Variants in TRPC5OS observed in about 807,000 individuals in gnomAD.
The protein encoded by TRPC5OS is putative uncharacterized protein TRPC5OS.
For missense variants in TRPC5OS, 64 were observed against 79.3 expected (o/e 0.81, Z 0.73); for synonymous variants, 30 against 29.3 (o/e 1.02, Z -0.08).
intron 3 of TRPC5OS, among the ~76,000 whole-genome samples, chrX:111,899,398 A>AT (rs966478648): frequency 9.0e-6 from 1 of 111,641 alleles, no homozygotes; most frequent in Non-Finnish European, 1.9e-5. Flanking sequence ...ATTTATTCCA[A>AT]TTTTTTTCCA....
At chrX:111,882,016 G>A (rs1224159895) in intron 1 of TRPC5OS, 3 of 110,148 alleles carry the variant, frequency 2.7e-5, no homozygotes, top group Non-Finnish European at 5.7e-5. Context: ...AGTGTGGTAA[G>A]GTAGGTAAGA....
In TRPC5OS at chrX:111,902,344, C is replaced by A. The variant is rs1332165530; in HGVS notation, c.*159C>A. 3 of 365,303 alleles carry A rather than the reference C, an allele frequency of 8.2e-6. No homozygotes were observed. Among genetic ancestry groups the A allele is most frequent in the African/African-American group, 7.9e-5 (3 of 38,011 alleles). 30.1% of individuals were successfully genotyped at this position (365,303 alleles called of 1,213,427 possible). On this transcript the variant is annotated 3_prime_UTR_variant, in exon 4 of 4. Transcript: ENST00000635763. The stretch of plus-strand genomic sequence containing the variant: ...ATAACAAGTGAGATTTGATTTACTT[C>A]TAGCAAAAGCTGGTCTTTTTTCATC...
intron 3 of TRPC5OS, among the ~76,000 whole-genome samples, chrX:111,897,296 G>A (rs1168291753): frequency 9.0e-6 from 1 of 111,576 alleles, no homozygotes; most frequent in Non-Finnish European, 1.9e-5. Context: ...CCATTAATGT[G>A]ACAATTTATT....
intron 2 of TRPC5OS, 69 bp downstream of exon 2, chrX:111,896,165 G>A (rs1216577516): frequency 9.0e-6 from 1 of 110,719 alleles, no homozygotes; most frequent in Admixed American, 9.7e-5. Flanking sequence ...GTCTCCCAAT[G>A]GCCCAAAGTT....
intron 1 of TRPC5OS, among the ~76,000 whole-genome samples, chrX:111,889,623 C>A (rs1467384903): frequency 9.0e-6 from 1 of 111,702 alleles, no homozygotes; most frequent in Admixed American, 9.5e-5. Flanking sequence ...AAAATGCTAA[C>A]CCTTGGCTCC....
chrX:111,888,616 C>T (rs1172612887), intron 1 of TRPC5OS, among the ~76,000 whole-genome samples: 1 of 91,855 alleles, frequency 1.1e-5, no homozygotes, highest in Non-Finnish European at 2.0e-5. Context: ...ATGGCTTGAA[C>T]GTGGGAGGTG....
chrX:111,883,408 T>C (rs764626746), intron 1 of TRPC5OS, among the ~76,000 whole-genome samples: 5 of 112,457 alleles, frequency 4.4e-5, no homozygotes, highest in Non-Finnish European at 9.4e-5. Flanking sequence ...CCCAGTCTAC[T>C]TAAGTCCTAG....
chrX:111,883,602 TGATAAA>T (rs1397331543), intron 1 of TRPC5OS, among the ~76,000 whole-genome samples: 1 of 112,177 alleles, frequency 8.9e-6, no homozygotes, highest in East Asian at 2.8e-4. Context: ...GTCCGAATTT[TGATAAA>T]GTATAGCCAA....
rs924568973 is a variant in TRPC5OS, at chrX:111,903,484, G to T, written c.*1299G>T. ...TCTGCAAATTAGCCAACCCTAAGAT[G>T]TTGCTATAAACAGCTGGTAGGCGAT... On this transcript the variant is annotated 3_prime_UTR_variant, in exon 4 of 4. Transcript: ENST00000635763. The T allele has an allele frequency of 8.9e-6, 1 of 112,064 alleles. No homozygotes were observed. The highest frequency in any genetic ancestry group is 1.9e-5 in the Non-Finnish European group (1 of 53,183). The allele number at this position is 112,064 out of a possible 1,213,427, so 9.2% of individuals were successfully genotyped here.
At chrX:111,888,807 A>C (rs772697024) in intron 1 of TRPC5OS, among the ~76,000 whole-genome samples, 3 of 110,048 alleles carry the variant, frequency 2.7e-5, no homozygotes, top group Non-Finnish European at 3.8e-5. Context: ...GGTGAGATGT[A>C]GATGATAGTG....
chrX:111,879,528 C>T (rs1296522779), intron 1 of TRPC5OS, among the ~76,000 whole-genome samples: 1 of 112,270 alleles, frequency 8.9e-6, no homozygotes. Flanking sequence ...TCCAATAAAC[C>T]AGTCAGCACA....
chrX:111,882,351 T>G (rs1400987048), intron 1 of TRPC5OS, among the ~76,000 whole-genome samples: 1 of 112,180 alleles, frequency 8.9e-6, no homozygotes, highest in Non-Finnish European at 1.9e-5. Flanking sequence ...TATGGTAAGG[T>G]AGGGGTCTTG....
intron 3 of TRPC5OS, among the ~76,000 whole-genome samples, chrX:111,900,052 A>C (rs1437698280): frequency 1.8e-5 from 2 of 111,519 alleles, no homozygotes; most frequent in Non-Finnish European, 1.9e-5. Context: ...AAGTGGAGAT[A>C]CTATACAACT....
chrX:111,894,415 G>C (rs1400688965), intron 1 of TRPC5OS, among the ~76,000 whole-genome samples: 3 of 111,854 alleles, frequency 2.7e-5, no homozygotes, highest in African/African-American at 9.7e-5. Flanking sequence ...AAATTCAATG[G>C]GGTCAAAGAT....
intron 3 of TRPC5OS, among the ~76,000 whole-genome samples, chrX:111,899,708 C>T (rs1399161128): frequency 9.0e-6 from 1 of 111,083 alleles, no homozygotes; most frequent in Non-Finnish European, 1.9e-5. Context: ...TGCTCTCTTA[C>T]AATATTTAAC....
intron 1 of TRPC5OS, among the ~76,000 whole-genome samples, chrX:111,893,158 TACAA>T (rs764573757): frequency 2.0e-3 from 217 of 108,053 alleles, no homozygotes; most frequent in African/African-American, 6.9e-3. Flanking sequence ...AAAAAGCATA[TACAA>T]ACAAACAACC....
Position 111,901,891 on chromosome X carries a change from T to C in TRPC5OS, c.42T>C (p.Val14=). The C allele has an allele frequency of 8.7e-7, 1 of 1,152,756 alleles. No homozygotes were observed. Among genetic ancestry groups the C allele is most frequent in the East Asian group, 3.3e-5 (1 of 30,754 alleles). ...VLIHVLIDGL[V]ACVAQLIRIA... Reference sequence around the variant, plus strand: ...TTCATGTACTCATTGATGGACTTGTTGCTTGTGTAGCCCAGTTAATAAGAA... The same window carrying C: ...TTCATGTACTCATTGATGGACTTGTCGCTTGTGTAGCCCAGTTAATAAGAA... The change falls in exon 4 of 4, where the codon GTT becomes GTC. Residue 14 remains valine, a synonymous_variant. Coordinates refer to ENST00000635763, the MANE Select transcript of TRPC5OS (RefSeq NM_001195578.2).
intron 1 of TRPC5OS, among the ~76,000 whole-genome samples, chrX:111,878,640 C>T (rs1924067672): frequency 9.0e-6 from 1 of 111,554 alleles, no homozygotes; most frequent in Non-Finnish European, 1.9e-5. Context: ...CACCTCCCCT[C>T]AATCGTGACA....
At chrX:111,892,362 C>G (rs1405825225) in intron 1 of TRPC5OS, among the ~76,000 whole-genome samples, 2 of 112,111 alleles carry the variant, frequency 1.8e-5, no homozygotes, top group Non-Finnish European at 3.8e-5. Flanking sequence ...GTCTCAATGA[C>G]CTTGCCAATT....
Sources: allele counts gnomAD v4.1 joint callset (sites outside exome capture counted in the v4.1 genomes callset), GRCh38; gene constraint gnomAD v4.1.1; transcripts MANE v1.5; gene names NCBI Gene and HGNC (gene_info 2026-07-23, HGNC 2026-07-21).